Variants in SNTG1 observed in about 807,000 individuals in gnomAD.
The protein encoded by SNTG1 is gamma-1-syntrophin.
A neutral mutation model predicts 74.7 loss-of-function variants in SNTG1; 39 were observed. The ratio of observed to expected loss-of-function variants is 0.52; its 90% CI spans 0.40 to 0.68. The LOEUF (loss-of-function observed/expected upper bound fraction) is 0.68, where lower values mean the gene tolerates loss of function less well. Ranked by LOEUF, SNTG1 falls within the 30% of genes least tolerant of loss-of-function variation. SNTG1 has a pLI of 0.00. For missense variants in SNTG1, 685 were observed against 609.5 expected (o/e 1.12, Z -1.30); for synonymous variants, 254 against 217.1 (o/e 1.17, Z -1.49).
intron 2 of SNTG1, among the ~76,000 whole-genome samples, chr8:50,318,765 T>C (rs1186008959): frequency 6.6e-6 from 1 of 152,218 alleles, no homozygotes; most frequent in African/African-American, 2.4e-5. Context: ...ATTCTATATA[T>C]GTATATGCAA....
At chr8:50,074,871 G>A (rs1330665513) in intron 1 of SNTG1, among the ~76,000 whole-genome samples, 1 of 152,148 alleles carries the variant, frequency 6.6e-6, no homozygotes, top group Non-Finnish European at 1.5e-5. Context: ...ACAGGTACCT[G>A]AGGGAACCGG....
chr8:50,273,088 A>G (rs1033854488), intron 2 of SNTG1, among the ~76,000 whole-genome samples: 4 of 152,160 alleles, frequency 2.6e-5, no homozygotes, highest in African/African-American at 7.2e-5. Flanking sequence ...AGAAATAGTT[A>G]TCTGAAATTG....
chr8:50,140,605 G>C (rs1187878383), intron 1 of SNTG1, among the ~76,000 whole-genome samples: 1 of 152,122 alleles, frequency 6.6e-6, no homozygotes, highest in Non-Finnish European at 1.5e-5. Context: ...ATGTAAGTCT[G>C]AATGTGGATG....
intron 1 of SNTG1, among the ~76,000 whole-genome samples, chr8:50,157,484 T>C (rs2082288612): frequency 1.3e-5 from 2 of 152,116 alleles, no homozygotes; most frequent in Non-Finnish European, 1.5e-5. Flanking sequence ...AAATACATAT[T>C]AGTATACACA....
chr8:50,075,152 CCT>C (rs1821736484), intron 1 of SNTG1, among the ~76,000 whole-genome samples: 1 of 152,174 alleles, frequency 6.6e-6, no homozygotes, highest in African/African-American at 2.4e-5. Flanking sequence ...CCGCCTCCCC[CCT>C]GTGGGCTCCT....
intron 9 of SNTG1, among the ~76,000 whole-genome samples, chr8:50,503,141 TATC>T (rs2093978337): frequency 6.6e-6 from 1 of 152,194 alleles, no homozygotes; most frequent in African/African-American, 2.4e-5. Context: ...GCATATCAAA[TATC>T]ATGTATGCAT....
chr8:50,475,296 C>T (rs1478302198), intron 8 of SNTG1, among the ~76,000 whole-genome samples: 2 of 151,828 alleles, frequency 1.3e-5, no homozygotes, highest in Non-Finnish European at 2.9e-5. Context: ...TAAGATGGAA[C>T]ATTTTATATG....
At chr8:50,266,649 TG>T (rs1229863588) in intron 2 of SNTG1, among the ~76,000 whole-genome samples, 2 of 61,618 alleles carry the variant, frequency 3.2e-5, no homozygotes, top group African/African-American at 1.5e-4. Flanking sequence ...CAGAATTATG[TG>T]TGTGTGTGTG....
At chr8:50,505,104 A>G (rs550122192) in intron 9 of SNTG1, among the ~76,000 whole-genome samples, 1 of 152,312 alleles carries the variant, frequency 6.6e-6, no homozygotes, top group African/African-American at 2.4e-5. Context: ...TTTGGTGATT[A>G]GCTTATTTCA....
intron 18 of SNTG1, among the ~76,000 whole-genome samples, chr8:50,786,602 A>C (rs1435401817): frequency 6.6e-6 from 1 of 151,926 alleles, no homozygotes; most frequent in Non-Finnish European, 1.5e-5. Context: ...AACACTACAA[A>C]GCTATGGTCA....
At chr8:50,064,084 G>A (rs1820701356) in intron 1 of SNTG1, among the ~76,000 whole-genome samples, 1 of 152,122 alleles carries the variant, frequency 6.6e-6, no homozygotes, top group Non-Finnish European at 1.5e-5. Flanking sequence ...AGCTAACTCT[G>A]GGGCTATTAT....
intron 8 of SNTG1, among the ~76,000 whole-genome samples, chr8:50,489,176 A>G (rs951474124): frequency 6.6e-6 from 1 of 152,184 alleles, no homozygotes; most frequent in African/African-American, 2.4e-5. Context: ...TCAGTCTATC[A>G]TTGATGGACA....
intron 1 of SNTG1, among the ~76,000 whole-genome samples, chr8:49,989,975 A>G (rs1267021544): frequency 6.6e-6 from 1 of 151,996 alleles, no homozygotes. Flanking sequence ...AGTATCCATG[A>G]AAAACCTATA....
Position 50,381,357 on chromosome 8 carries a change from C to T in SNTG1, c.-27-12855C>T, listed in dbSNP as rs182016984. Among the ~76,000 whole-genome samples, 231 of 151,190 alleles carry T rather than the reference C, an allele frequency of 1.5e-3. 1 individual carries two copies. Among genetic ancestry groups the T allele is most frequent in the South Asian group, 9.8e-3 (47 of 4,796 alleles). On this transcript the variant is annotated intron_variant, in intron 2 of 18. Coordinates refer to ENST00000642720, the MANE Select transcript of SNTG1 (RefSeq NM_018967.5). ...ATCATATTTTAGTACAAATCAATTA[C>T]TTTTAAAAAATCATATACAGAAAGC...
intron 8 of SNTG1, among the ~76,000 whole-genome samples, chr8:50,485,521 G>T (rs2093784095): frequency 6.6e-6 from 1 of 151,590 alleles, no homozygotes; most frequent in African/African-American, 2.4e-5. Flanking sequence ...GGGGTTGTTT[G>T]TTTTTTTCTT....
At chr8:50,285,760 G>A (rs1275494168) in intron 2 of SNTG1, among the ~76,000 whole-genome samples, 1 of 151,054 alleles carries the variant, frequency 6.6e-6, no homozygotes, top group Non-Finnish European at 1.5e-5. Flanking sequence ...AAAACCATAA[G>A]GGCGTCATTC....
At chr8:50,642,481 T>A (rs1483976505) in intron 13 of SNTG1, among the ~76,000 whole-genome samples, 1 of 152,184 alleles carries the variant, frequency 6.6e-6, no homozygotes, top group East Asian at 1.9e-4. Flanking sequence ...TGAAGGCACA[T>A]TCCATTTTAT....
chr8:50,768,228 G>A (rs1015684736), intron 18 of SNTG1, among the ~76,000 whole-genome samples: 2 of 151,898 alleles, frequency 1.3e-5, no homozygotes, highest in African/African-American at 4.8e-5. Context: ...AGAAATTGAG[G>A]ATTGACTCCC....
chr8:50,445,449 C>T lies in SNTG1; in HGVS notation c.220-4219C>T, dbSNP rs1408757612. 2.0e-5 allele frequency among the ~76,000 whole-genome samples: 3 copies of T among 152,156 alleles called. No individual in the cohort carries two copies. The East Asian group carries it at 5.8e-4, about 29-fold the overall frequency. On this transcript the variant is annotated intron_variant, in intron 5 of 18. Coordinates refer to ENST00000642720, the MANE Select transcript of SNTG1 (RefSeq NM_018967.5). ...ACTGAAAAGATTACTTGGCAAGACT[C>T]CTGATGCTCTAAAAGCATTCCAGGT... is the stretch of plus-strand genomic sequence containing the variant.
Sources: allele counts gnomAD v4.1 joint callset (sites outside exome capture counted in the v4.1 genomes callset), GRCh38; gene constraint gnomAD v4.1.1; transcripts MANE v1.5; gene names NCBI Gene and HGNC (gene_info 2026-07-23, HGNC 2026-07-21).